EVI5: variants seen among roughly 807,000 people sequenced by gnomAD.
EVI5 encodes the protein ecotropic viral integration site 5 protein homolog.
A neutral mutation model predicts 112.0 loss-of-function variants in EVI5; 73 were observed. That is an observed-to-expected ratio of 0.65 (90% confidence interval 0.54 to 0.79). The LOEUF (loss-of-function observed/expected upper bound fraction) is 0.79. Among genes scored for constraint, EVI5 ranks in the 30% least tolerant of loss-of-function variants. EVI5 has a pLI of 0.00. For synonymous variants in EVI5, 305 were observed against 319.9 expected, an observed-to-expected ratio of 0.95 and a Z score of 0.50; for missense variants, 900 against 968.8, an observed-to-expected ratio of 0.93 and a Z score of 0.94.
At chr1:92,789,903 C>G (rs1232328952), upstream of EVI5, among the ~76,000 whole-genome samples, 1 of 152,198 alleles carries the variant, frequency 6.6e-6, no homozygotes, top group African/African-American at 2.4e-5. Context: ...AACAATATTC[C>G]TCCCTCACCC....
intron 17 of EVI5, 38 bp downstream of exon 17, chr1:92,607,543 A>T: frequency 6.9e-7 from 1 of 1,459,164 alleles, no homozygotes; most frequent in Non-Finnish European, 9.2e-7. Context: ...GCATTATTAT[A>T]TTGACAAAAA....
At chr1:92,775,968 C>T (rs928389442) in intron 1 of EVI5, among the ~76,000 whole-genome samples, 11 of 151,880 alleles carry the variant, frequency 7.2e-5, no homozygotes, top group Middle Eastern at 3.2e-3. Context: ...ATTAGCCAGG[C>T]GTGGTGGTGG....
intron 18 of EVI5, among the ~76,000 whole-genome samples, chr1:92,598,698 T>C (rs534920356): frequency 5.3e-5 from 8 of 152,306 alleles, no homozygotes; most frequent in East Asian, 1.9e-4. Flanking sequence ...CTGAGCATTA[T>C]AGCACAACAG....
At chr1:92,618,522 A>G (rs1019765828) in intron 16 of EVI5, among the ~76,000 whole-genome samples, 4 of 152,218 alleles carry the variant, frequency 2.6e-5, no homozygotes, top group African/African-American at 9.7e-5. Flanking sequence ...TGCATGGAAT[A>G]CAGGAGATCC....
intron 16 of EVI5, among the ~76,000 whole-genome samples, chr1:92,615,546 G>A (rs1233809186): frequency 1.3e-5 from 2 of 152,170 alleles, no homozygotes; most frequent in Admixed American, 6.5e-5. Context: ...ATAGAGGTTT[G>A]TAAACTCTGA....
intron 18 of EVI5, among the ~76,000 whole-genome samples, chr1:92,567,140 TAA>T: frequency 6.6e-6 from 1 of 152,162 alleles, no homozygotes; most frequent in East Asian, 1.9e-4. Context: ...TAAAAAAGTT[TAA>T]AGAGTTAAAA....
chr1:92,625,742 A>G (rs1380865335), intron 15 of EVI5, 52 bp downstream of exon 15: 4 of 1,533,396 alleles, frequency 2.6e-6, no homozygotes, highest in South Asian at 1.1e-5. Context: ...TACAAATTGG[A>G]TATTTCGGTT....
intron 18 of EVI5, among the ~76,000 whole-genome samples, chr1:92,601,233 A>G (rs1649109550): frequency 1.3e-5 from 2 of 152,210 alleles, no homozygotes; most frequent in Non-Finnish European, 2.9e-5. Context: ...CATTATCAAA[A>G]AGATGAAAGA....
At position 92,513,563 on chromosome 1, in the gene EVI5, ATATG is replaced by A. The variant is rs1317583103; in HGVS notation, c.*89_*92del. 1.3e-4 allele frequency: 10 copies of A among 75,106 alleles called. No individual in the cohort carries two copies. In the African/African-American group the frequency reaches 3.4e-3, roughly 26 times the overall value. The allele number at this position is 75,106 out of a possible 1,614,324, so 4.7% of individuals were successfully genotyped here. On this transcript the variant is annotated 3_prime_UTR_variant, in exon 20 of 20. Transcript: ENST00000684568. ...TATATATATATATATATATATATAT[ATATG>A]TACATATGAAACAAATTATTTCCAA...
intron 11 of EVI5, 115 bp downstream of exon 11, chr1:92,665,824 C>A: frequency 3.2e-6 from 2 of 624,698 alleles, no homozygotes; most frequent in South Asian, 2.3e-5. Context: ...GCAAGCTAAG[C>A]AGTCAATACT....
intron 19 of EVI5, among the ~76,000 whole-genome samples, chr1:92,535,758 G>A (rs192900968): frequency 9.2e-5 from 14 of 152,116 alleles, no homozygotes; most frequent in East Asian, 5.8e-4. Flanking sequence ...GGGGCCTGTC[G>A]TGGGGTGGGG....
intron 16 of EVI5, among the ~76,000 whole-genome samples, chr1:92,615,775 A>G (rs1340157804): frequency 6.6e-6 from 1 of 152,172 alleles, no homozygotes; most frequent in Non-Finnish European, 1.5e-5. Context: ...TTCTAGACCT[A>G]TAACTAAGTT....
rs1557741068 is a variant in EVI5 at position 92,539,559 on chromosome 1, A to AAC, written c.2166+24082_2166+24083insGT. Among the ~76,000 whole-genome samples the AAC allele has an allele frequency of 4.3e-4, 10 of 23,214 alleles. 3 individuals are homozygous for AAC. The highest frequency in any genetic ancestry group is 5.7e-3 in the East Asian group (2 of 350). The allele number at this position is 23,214 out of a possible 152,430, so 15.2% of individuals were successfully genotyped here. A position where few individuals can be genotyped will look rare whatever the true frequency, so the allele number is the denominator to read the frequency against. On this transcript the variant is annotated intron_variant, in intron 19 of 19. Coordinates refer to ENST00000684568, the MANE Select transcript of EVI5 (RefSeq NM_001350197.2). The stretch of plus-strand genomic sequence containing the variant: ...CTCCATCTCAAAAAAAAAAAAAAAA[A>AAC]AAAAAAATCTTGAACCCATTCTCCC...
intron 1 of EVI5, among the ~76,000 whole-genome samples, chr1:92,764,838 C>T (rs990771683): frequency 6.6e-6 from 1 of 152,022 alleles, no homozygotes; most frequent in Non-Finnish European, 1.5e-5. Flanking sequence ...TTATTTGTTA[C>T]AAATAACGAA....
At chr1:92,675,909 T>A (rs1472258839) in intron 10 of EVI5, among the ~76,000 whole-genome samples, 1 of 140,058 alleles carries the variant, frequency 7.1e-6, no homozygotes, top group African/African-American at 2.7e-5. Flanking sequence ...TGAGCCAAGA[T>A]CGCACCACTG....
At chr1:92,614,276 G>T (rs1257940281) in intron 16 of EVI5, among the ~76,000 whole-genome samples, 1 of 152,078 alleles carries the variant, frequency 6.6e-6, no homozygotes, top group African/African-American at 2.4e-5. Flanking sequence ...AAGATATCCA[G>T]CTTTCAACAA....
At chr1:92,552,923 T>C (rs1667159995) in intron 19 of EVI5, among the ~76,000 whole-genome samples, 1 of 152,154 alleles carries the variant, frequency 6.6e-6, no homozygotes, top group Non-Finnish European at 1.5e-5. Flanking sequence ...TTTTCATTAA[T>C]TAACCCCAGT....
intron 19 of EVI5, among the ~76,000 whole-genome samples, chr1:92,519,558 A>C (rs1011784761): frequency 1.3e-5 from 2 of 152,190 alleles, no homozygotes; most frequent in Admixed American, 6.5e-5. Context: ...GCTATTTGGC[A>C]ATAAAAAGGA....
chr1:92,528,412 T>C (rs1662287272), intron 19 of EVI5, among the ~76,000 whole-genome samples: 1 of 152,200 alleles, frequency 6.6e-6, no homozygotes, highest in Non-Finnish European at 1.5e-5. Flanking sequence ...CTCAAAAGTG[T>C]CCTGGCTTGA....
Sources: gnomAD v4.1 joint callset for allele counts (sites outside exome capture counted in the v4.1 genomes callset) on GRCh38, gnomAD v4.1.1 for gene constraint, MANE v1.5 for transcripts, NCBI Gene and HGNC (gene_info 2026-07-23, HGNC 2026-07-21) for gene names.